The following DNAH5 variants were observed in gnomAD, a reference collection of about 807,000 sequenced individuals.
DNAH5 encodes axonemal beta dynein heavy chain 5.
DNAH5 carries 372 observed loss-of-function variants against 518.2 expected under a neutral mutation model. That is an observed-to-expected ratio of 0.72 (90% CI 0.66 to 0.78). The LOEUF is 0.78. Among genes scored for constraint, DNAH5 ranks in the 30% least tolerant of loss-of-function variants. The pLI is 0.00. For missense variants in DNAH5, 5,523 were observed against 5,687.0 expected (o/e 0.97, Z 0.93); for synonymous variants, 2,039 against 2,025.9 (o/e 1.01, Z -0.17).
At chr5:13,788,659 G>T in intron 51 of DNAH5, 57 bp downstream of exon 51, 1 of 1,439,158 alleles carries the variant, frequency 6.9e-7, no homozygotes, top group Non-Finnish European at 9.8e-7. Flanking sequence ...TCTGTCTTCA[G>T]ATTTCCCTTT....
chr5:13,858,772 T>C (rs547421639), intron 30 of DNAH5, among the ~76,000 whole-genome samples: 3 of 152,308 alleles, frequency 2.0e-5, no homozygotes, highest in South Asian at 2.1e-4. Context: ...CAGAAACCTA[T>C]GTGATGAAAA....
At chr5:13,778,596 A>AG (rs1554044722) in intron 53 of DNAH5, among the ~76,000 whole-genome samples, 2,376 of 102,210 alleles carry the variant, frequency 0.023, 97 homozygotes, top group Middle Eastern at 0.061. Context: ...GAAAGAAAGA[A>AG]AGAGAGAGAG....
At chr5:13,703,959 G>A (rs2126427707) in intron 76 of DNAH5, among the ~76,000 whole-genome samples, 1 of 152,268 alleles carries the variant, frequency 6.6e-6, no homozygotes, top group East Asian at 1.9e-4. Flanking sequence ...GGGGTGCCTT[G>A]TCCATCTCCC....
At chr5:13,765,824 C>T (rs1752441154) in intron 59 of DNAH5, 152 bp downstream of exon 59, 2 of 852,618 alleles carry the variant, frequency 2.3e-6, no homozygotes, top group South Asian at 1.4e-5. Context: ...AACTCTAATG[C>T]TTATAATGTT....
At chr5:13,810,768 ACAAAC>A (rs376995953) in intron 44 of DNAH5, among the ~76,000 whole-genome samples, 1 of 126,812 alleles carries the variant, frequency 7.9e-6, no homozygotes. Flanking sequence ...AACAAAACAA[ACAAAC>A]AAAAAAACAG....
intron 1 of DNAH5, among the ~76,000 whole-genome samples, chr5:13,989,554 G>C (rs1488590325): frequency 6.7e-6 from 1 of 150,220 alleles, no homozygotes; most frequent in Non-Finnish European, 1.5e-5. Context: ...CGCGATCTCG[G>C]CTCACTGCAA....
intron 57 of DNAH5, among the ~76,000 whole-genome samples, 175 bp from the exon 58 acceptor site, chr5:13,769,311 G>C (rs184412658): frequency 6.8e-6 from 1 of 147,362 alleles, no homozygotes; most frequent in Non-Finnish European, 1.5e-5. Flanking sequence ...GCAGTAGCGC[G>C]ATCTTGGCTC....
At chr5:13,842,004 G>C in intron 32 of DNAH5, 100 bp from the exon 33 acceptor site, 1 of 747,644 alleles carries the variant, frequency 1.3e-6, no homozygotes, top group Non-Finnish European at 2.2e-6. Context: ...TAAAGCTACA[G>C]ATTATAAAAT....
At chr5:13,769,404 A>G in intron 57 of DNAH5, 97 bp downstream of exon 57, 1 of 1,041,066 alleles carries the variant, frequency 9.6e-7, no homozygotes. Context: ...GTTAATGTAT[A>G]CTTCACTAGT....
rs761150551 is a variant in DNAH5 at position 13,751,135 on chromosome 5, G to A, written c.11154C>T (p.Val3718=). The change falls in exon 65 of 79, where the codon GTC becomes GTT. Residue 3718 remains valine (V), a synonymous_variant. Coordinates refer to ENST00000265104, the MANE Select transcript of DNAH5 (RefSeq NM_001369.3). ...ACTGATCTTCTAGACCTTTCATGGT[G>A]ACAGTGAAGTCAATGATGGAGGTAC... ...SARTSIIDFT[V]TMKGLEDQLL... 9 of 1,613,908 alleles carry A rather than the reference G, an allele frequency of 5.6e-6. No homozygotes were observed. In the Admixed American group the frequency reaches 8.3e-5, roughly 15 times the overall value.
At chr5:13,745,080 A>G (rs1219464883) in intron 65 of DNAH5, among the ~76,000 whole-genome samples, 2 of 152,092 alleles carry the variant, frequency 1.3e-5, no homozygotes, top group East Asian at 3.8e-4. Context: ...ATTCTGAACA[A>G]TGATGATCCC....
upstream of DNAH5, among the ~76,000 whole-genome samples, chr5:13,947,731 T>C (rs1581013406): frequency 1.3e-5 from 2 of 152,346 alleles, no homozygotes; most frequent in East Asian, 3.9e-4. Flanking sequence ...TTTCCATCTT[T>C]AAGAATGTCT....
rs540836503 is a variant in DNAH5, at chr5:13,780,949, A to G, written c.8831T>C (p.Val2944Ala). 3.1e-6 allele frequency: 5 copies of G among 1,613,572 alleles called. No individual in the cohort carries two copies. The highest frequency in any genetic ancestry group is 4.2e-6 in the Non-Finnish European group (5 of 1,179,732). Residue 2944 changes from valine to alanine, a missense_variant, in exon 53 of 79, where the codon GTC becomes GCC. Around this residue, in one of 3 missense-constraint regions of DNAH5, gnomAD observed 5,121 missense variants for 5,223.3 expected, o/e 0.98. Coordinates refer to ENST00000265104, the MANE Select transcript of DNAH5 (RefSeq NM_001369.3). ...GGCATTTCCCTGAGGAGTACGAATG[A>G]CACGAGAGATCTGTAATATGGAACA... ...AMVHLVKISR[V>A]IRTPQGNALL...
intron 1 of DNAH5, among the ~76,000 whole-genome samples, chr5:13,972,848 G>C (rs928524917): frequency 2.0e-5 from 3 of 152,146 alleles, no homozygotes; most frequent in Admixed American, 6.5e-5. Flanking sequence ...AGTTAATCCT[G>C]CCTCCTATCT....
intron 31 of DNAH5, among the ~76,000 whole-genome samples, chr5:13,845,764 TTTTA>T (rs1403546167): frequency 3.6e-5 from 2 of 55,300 alleles, no homozygotes; most frequent in South Asian, 4.8e-4. Context: ...GCTTTTTAAT[TTTTA>T]TTTTTTTTAA....
chr5:13,814,572 T>G, intron 43 of DNAH5, 33 bp downstream of exon 43: 1 of 1,609,792 alleles, frequency 6.2e-7, no homozygotes, highest in Non-Finnish European at 8.5e-7. Flanking sequence ...CTGTTTTCCT[T>G]TTTAATTATA....
intron 78 of DNAH5, among the ~76,000 whole-genome samples, chr5:13,696,278 T>C (rs993589822): frequency 6.6e-6 from 1 of 152,232 alleles, no homozygotes; most frequent in Non-Finnish European, 1.5e-5. Flanking sequence ...AATCTGCTCA[T>C]ATAATAAATC....
At chr5:13,798,740 T>TTTTATTTATTTA (rs1157548763) in intron 47 of DNAH5, among the ~76,000 whole-genome samples, 3 of 87,274 alleles carry the variant, frequency 3.4e-5, no homozygotes, top group South Asian at 3.3e-4. Flanking sequence ...ATTTTATTTA[T>TTTTATTTATTTA]TTTATTTATT....
intron 1 of DNAH5, among the ~76,000 whole-genome samples, chr5:13,943,672 G>C (rs1304126520): frequency 6.6e-6 from 1 of 152,156 alleles, no homozygotes; most frequent in Non-Finnish European, 1.5e-5. Context: ...GTAGATGCCT[G>C]CTCTTTTGTG....
Sources: gnomAD v4.1 joint callset for allele counts (sites outside exome capture counted in the v4.1 genomes callset) on GRCh38, gnomAD v4.1.1 for gene constraint, gnomAD v4.1.1 regional missense constraint, MANE v1.5 for transcripts, NCBI Gene and HGNC (gene_info 2026-07-23, HGNC 2026-07-21) for gene names.